The following CDCA7L variants were observed in gnomAD, a reference collection of about 807,000 sequenced individuals.
CDCA7L encodes the protein cell division cycle-associated 7-like protein.
CDCA7L carries 44 observed loss-of-function variants against 57.4 expected under a neutral mutation model. The ratio of observed to expected loss-of-function variants is 0.77; its 90% CI spans 0.60 to 0.98. CDCA7L has a LOEUF of 0.98. CDCA7L is among the 50% of genes least tolerant of loss of function. The pLI, the probability that CDCA7L is intolerant of heterozygous loss-of-function variation, is 0.00. For missense variants in CDCA7L, 644 were observed against 580.6 expected, an observed-to-expected ratio of 1.11 and a Z score of -1.12; for synonymous variants, 236 against 202.8, an observed-to-expected ratio of 1.16 and a Z score of -1.39.
At chr7:21,903,941 C>A (rs1562619514) in intron 8 of CDCA7L, 169 bp downstream of exon 8, 3 of 564,232 alleles carry the variant, frequency 5.3e-6, no homozygotes, top group Admixed American at 3.8e-5. Flanking sequence ...GCTCTCCTTC[C>A]AGAAGGAATC....
chr7:21,927,028 T>C (rs531025644), intron 1 of CDCA7L, among the ~76,000 whole-genome samples: 2 of 152,276 alleles, frequency 1.3e-5, no homozygotes, highest in South Asian at 4.2e-4. Flanking sequence ...GCCAATCTTT[T>C]AAAGATTTCC....
At chr7:21,918,708 AG>A (rs1785564827) in intron 1 of CDCA7L, among the ~76,000 whole-genome samples, 1 of 152,172 alleles carries the variant, frequency 6.6e-6, no homozygotes, top group Non-Finnish European at 1.5e-5. Context: ...ACTACTTTTT[AG>A]GAAGTGCTAT....
chr7:21,929,775 C>T (rs889510640), intron 1 of CDCA7L, among the ~76,000 whole-genome samples: 1 of 151,848 alleles, frequency 6.6e-6, no homozygotes, highest in Non-Finnish European at 1.5e-5. Flanking sequence ...CAGCTAACTA[C>T]ACTAAATATA....
At chr7:21,909,025 C>T (rs1047776543) in intron 3 of CDCA7L, among the ~76,000 whole-genome samples, 3 of 152,198 alleles carry the variant, frequency 2.0e-5, no homozygotes, top group African/African-American at 4.8e-5. Flanking sequence ...CCTGCCACTG[C>T]GTCCTCAGTC....
intron 1 of CDCA7L, among the ~76,000 whole-genome samples, chr7:21,941,810 G>A (rs1023309079): frequency 6.6e-6 from 1 of 152,050 alleles, no homozygotes; most frequent in Non-Finnish European, 1.5e-5. Flanking sequence ...ACTACAGTGG[G>A]GATTAAATCT....
At chr7:21,933,745 T>TAC (rs1786084485) in intron 1 of CDCA7L, among the ~76,000 whole-genome samples, 1 of 151,926 alleles carries the variant, frequency 6.6e-6, no homozygotes, top group Non-Finnish European at 1.5e-5. Flanking sequence ...GGCACATGTA[T>TAC]ACCTATGTAA....
chr7:21,935,620 G>A (rs1486446753), intron 1 of CDCA7L, among the ~76,000 whole-genome samples: 1 of 151,810 alleles, frequency 6.6e-6, no homozygotes, highest in Non-Finnish European at 1.5e-5. Flanking sequence ...CAACAAATTG[G>A]CAAATCTTAA....
intron 4 of CDCA7L, 87 bp from the exon 5 acceptor site, chr7:21,906,726 GC>G: frequency 7.8e-7 from 1 of 1,285,414 alleles, no homozygotes; most frequent in Non-Finnish European, 1.1e-6. Context: ...CTTCCATTTT[GC>G]CACCATAAGA....
chr7:21,906,495 T>G (rs764549352), intron 5 of CDCA7L, 39 bp from the exon 6 acceptor site: 38 of 1,611,330 alleles, frequency 2.4e-5, no homozygotes, highest in Non-Finnish European at 3.1e-5. Flanking sequence ...CTGGGGACTC[T>G]CTCGAATAAA....
Position 21,902,211 on chromosome 7 carries a change from GAATTTCTGTA to G in CDCA7L, c.*101_*110del, listed in dbSNP as rs1225296442. On this transcript the variant is annotated 3_prime_UTR_variant, in exon 10 of 10. Coordinates refer to ENST00000406877, the MANE Select transcript of CDCA7L (RefSeq NM_018719.5). ...AACAAAAAATAGTAATTTCTACAAA[GAATTTCTGTA>G]TAAAAACACAACTGTAAAAAAATCT... 1 of 1,015,670 alleles carries G rather than the reference GAATTTCTGTA, an allele frequency of 9.8e-7. No individual in the cohort carries two copies. The highest frequency in any genetic ancestry group is 1.6e-5 in the African/African-American group (1 of 61,750). The allele number at this position is 1,015,670 out of a possible 1,614,324, so 62.9% of individuals were successfully genotyped here.
intron 7 of CDCA7L, 85 bp downstream of exon 7, chr7:21,905,421 G>T: frequency 6.9e-7 from 1 of 1,440,614 alleles, no homozygotes; most frequent in Non-Finnish European, 9.6e-7. Flanking sequence ...GATGGCATAA[G>T]CCCTGATAGA....
intron 2 of CDCA7L, 46 bp from the exon 3 acceptor site, chr7:21,911,800 G>C: frequency 6.4e-7 from 1 of 1,571,742 alleles, no homozygotes; most frequent in Non-Finnish European, 8.6e-7. Flanking sequence ...GTAGAATAGA[G>C]GTTACCAGGG....
At chr7:21,902,908 G>A (rs1311827042) in intron 9 of CDCA7L, 70 bp downstream of exon 9, 2 of 1,480,046 alleles carry the variant, frequency 1.4e-6, no homozygotes, top group Non-Finnish European at 1.9e-6. Context: ...ACAACTACTT[G>A]CCCAGAGGGT....
At chr7:21,911,376 T>G (rs1433225421) in intron 3 of CDCA7L, among the ~76,000 whole-genome samples, 1 of 151,920 alleles carries the variant, frequency 6.6e-6, no homozygotes, top group Non-Finnish European at 1.5e-5. Context: ...CTGGGACACA[T>G]CCCCAAAAAC....
chr7:21,943,332 A>G (rs932822100), intron 1 of CDCA7L, among the ~76,000 whole-genome samples: 1 of 152,234 alleles, frequency 6.6e-6, no homozygotes, highest in African/African-American at 2.4e-5. Context: ...CTTCTTACTC[A>G]TAACATTAGG....
chr7:21,903,984 A>G (rs1187533658), intron 8 of CDCA7L, 126 bp downstream of exon 8: 4 of 857,834 alleles, frequency 4.7e-6, no homozygotes, highest in Non-Finnish European at 6.6e-6. Flanking sequence ...GCCTTAAGAT[A>G]CAAATGGAAG....
chr7:21,911,920 A>G (rs1307993761), intron 2 of CDCA7L, among the ~76,000 whole-genome samples, 166 bp from the exon 3 acceptor site: 1 of 152,068 alleles, frequency 6.6e-6, no homozygotes, highest in Non-Finnish European at 1.5e-5. Context: ...TACACATCAA[A>G]AACAGCTGAA....
In CDCA7L at chr7:21,902,306, T is replaced by C; in HGVS notation, c.*16A>G. 1 of 1,613,724 alleles carries C rather than the reference T, an allele frequency of 6.2e-7. No individual in the cohort carries two copies. Among genetic ancestry groups the C allele is most frequent in the Non-Finnish European group, 8.5e-7 (1 of 1,179,612 alleles). ...AGTACTCTATGGTGAGGTGGCTGGT[T>C]CTGTTTGTTTTCCTCTTAATTGTCT... On this transcript the variant is annotated 3_prime_UTR_variant, in exon 10 of 10. Coordinates refer to ENST00000406877, the MANE Select transcript of CDCA7L (RefSeq NM_018719.5).
chr7:21,914,347 T>TCCC (rs761761477), intron 2 of CDCA7L, among the ~76,000 whole-genome samples: 20 of 152,110 alleles, frequency 1.3e-4, no homozygotes, highest in Admixed American at 1.2e-3. Context: ...GTATGAGGTC[T>TCCC]CCCCTTCTTA....
Sources: allele counts gnomAD v4.1 joint callset (sites outside exome capture counted in the v4.1 genomes callset), GRCh38; gene constraint gnomAD v4.1.1; transcripts MANE v1.5; gene names NCBI Gene and HGNC (gene_info 2026-07-23, HGNC 2026-07-21).